Variants in LOXL2 observed in about 807,000 individuals in gnomAD.
The protein encoded by LOXL2 is lysyl oxidase like 2.
A neutral mutation model predicts 93.0 loss-of-function variants in LOXL2; 70 were observed. The ratio of observed to expected loss-of-function variants is 0.75; its 90% CI spans 0.62 to 0.92. The LOEUF is 0.92. Ranked by LOEUF, LOXL2 falls within the 40% of genes least tolerant of loss-of-function variation. The pLI is 0.00. For missense variants in LOXL2, 973 were observed against 1,054.9 expected, an observed-to-expected ratio of 0.92 and a Z score of 1.08; for synonymous variants, 438 against 413.2, an observed-to-expected ratio of 1.06 and a Z score of -0.73.
intron 3 of LOXL2, among the ~76,000 whole-genome samples, chr8:23,348,834 G>A (rs577148039): frequency 2.2e-4 from 33 of 152,034 alleles, no homozygotes; most frequent in South Asian, 1.9e-3. Context: ...CTGAGATCAC[G>A]ACACTGCACC....
In LOXL2 at chr8:23,401,885, C is replaced by T. The variant is rs193040577; in HGVS notation, c.-84+2069G>A. On this transcript the variant is annotated intron_variant, in intron 1 of 13. Coordinates refer to ENST00000389131, the MANE Select transcript of LOXL2 (RefSeq NM_002318.3). ...GTCAGCCAATGTGTGGTGTTAAGTA[C>T]GTTTTGTTTTCAGACCTGAGTTTCA... Among the ~76,000 whole-genome samples, 263 of 152,344 alleles carry T rather than the reference C, an allele frequency of 1.7e-3. 3 individuals are homozygous for T. The highest frequency in any genetic ancestry group is 0.017 in the Admixed American group (253 of 15,306).
At chr8:23,320,744 CA>C (rs1192068240) in intron 7 of LOXL2, among the ~76,000 whole-genome samples, 3 of 151,976 alleles carry the variant, frequency 2.0e-5, no homozygotes, top group African/African-American at 7.3e-5. Flanking sequence ...CCCATCTCTA[CA>C]AAAAAATAAG....
chr8:23,328,306 C>A (rs1258023485), intron 6 of LOXL2, 76 bp downstream of exon 6: 9 of 1,504,806 alleles, frequency 6.0e-6, no homozygotes, highest in Non-Finnish European at 8.2e-6. Flanking sequence ...CGAGAGCTCA[C>A]GGCCAGCAGC....
At chr8:23,391,473 G>A (rs191653687) in intron 1 of LOXL2, among the ~76,000 whole-genome samples, 7 of 152,224 alleles carry the variant, frequency 4.6e-5, no homozygotes, top group African/African-American at 1.2e-4. Context: ...TCCAGGAGGC[G>A]TATCATCATT....
At chr8:23,306,972 G>T (rs1563185039) in intron 10 of LOXL2, among the ~76,000 whole-genome samples, 1 of 152,200 alleles carries the variant, frequency 6.6e-6, no homozygotes, top group Non-Finnish European at 1.5e-5. Flanking sequence ...TTTCCAAGGG[G>T]GCCAATCTTT....
chr8:23,310,714 CCTT>C (rs1402007777), intron 9 of LOXL2, among the ~76,000 whole-genome samples: 3 of 152,190 alleles, frequency 2.0e-5, no homozygotes, highest in East Asian at 1.9e-4. Flanking sequence ...TGCCAAATTG[CCTT>C]CTTAACAGGG....
At chr8:23,397,977 A>T (rs13261683) in intron 1 of LOXL2, among the ~76,000 whole-genome samples, 1 of 142,890 alleles carries the variant, frequency 7.0e-6, no homozygotes, top group African/African-American at 2.6e-5. Context: ...AAAAAAAAAA[A>T]AAAAAAAAGA....
intron 1 of LOXL2, among the ~76,000 whole-genome samples, chr8:23,397,007 T>C (rs1414722512): frequency 6.6e-6 from 1 of 152,146 alleles, no homozygotes; most frequent in East Asian, 1.9e-4. Context: ...ATCCATACAG[T>C]GGGATATTAT....
chr8:23,310,041 C>T, intron 9 of LOXL2, 130 bp from the exon 10 acceptor site: 2 of 988,430 alleles, frequency 2.0e-6, no homozygotes, highest in Non-Finnish European at 1.4e-6. Context: ...AAGGGCTCCT[C>T]AAGGTTACCT....
intron 1 of LOXL2, among the ~76,000 whole-genome samples, chr8:23,384,161 C>T (rs1804722653): frequency 6.6e-6 from 1 of 152,128 alleles, no homozygotes; most frequent in Non-Finnish European, 1.5e-5. Flanking sequence ...GATCTGGGAT[C>T]AGAAAATCTC....
chr8:23,320,926 A>G (rs1485757424), intron 7 of LOXL2, among the ~76,000 whole-genome samples: 10 of 152,056 alleles, frequency 6.6e-5, no homozygotes, highest in African/African-American at 1.4e-4. Flanking sequence ...CGAATAAAAA[A>G]CCAGGAGGAA....
In LOXL2 at chr8:23,297,884, C is replaced by T. The variant is rs1016132480; in HGVS notation, c.*159G>A. ...GCCCCCCATGAATGATGGGAGGGTC[C>T]CTTTCCTCCTGAGCTTAGACACAGC... is the stretch of plus-strand genomic sequence containing the variant. On this transcript the variant is annotated 3_prime_UTR_variant, in exon 14 of 14. Transcript: ENST00000389131. 1.7e-6 allele frequency: 1 copy of T among 595,824 alleles called. No individual in the cohort carries two copies. Among genetic ancestry groups the T allele is most frequent in the Non-Finnish European group, 3.0e-6 (1 of 335,442 alleles). 36.9% of individuals were successfully genotyped at this position (595,824 alleles called of 1,614,324 possible).
chr8:23,380,927 T>C (rs2117225854), intron 1 of LOXL2, among the ~76,000 whole-genome samples: 1 of 152,176 alleles, frequency 6.6e-6, no homozygotes, highest in African/African-American at 2.4e-5. Context: ...GCAAAATAAT[T>C]GCTTGAACCT....
chr8:23,385,076 G>T (rs1804738943), intron 1 of LOXL2, among the ~76,000 whole-genome samples: 1 of 151,908 alleles, frequency 6.6e-6, no homozygotes, highest in East Asian at 1.9e-4. Context: ...TTCAACTATG[G>T]ATATAAAGAC....
At chr8:23,374,170 A>G (rs1266784686) in intron 1 of LOXL2, among the ~76,000 whole-genome samples, 1 of 136,794 alleles carries the variant, frequency 7.3e-6, no homozygotes, top group Non-Finnish European at 1.5e-5. Context: ...TCATTGTTCA[A>G]TTCCCACCTA....
intron 8 of LOXL2, among the ~76,000 whole-genome samples, 159 bp downstream of exon 8, chr8:23,319,724 GCT>G (rs1554476917): frequency 6.6e-6 from 1 of 152,162 alleles, no homozygotes; most frequent in Non-Finnish European, 1.5e-5. Flanking sequence ...AAGGAGCAGC[GCT>G]GTGGCCAGAG....
At chr8:23,311,622 G>A (rs1803321224) in intron 9 of LOXL2, among the ~76,000 whole-genome samples, 1 of 152,162 alleles carries the variant, frequency 6.6e-6, no homozygotes, top group Non-Finnish European at 1.5e-5. Context: ...AGCTGCCATG[G>A]GTTGGGGACT....
rs755654898 is a variant in LOXL2 at position 23,302,016 on chromosome 8, A to T, written c.2133+11T>A. 5.0e-6 allele frequency: 8 copies of T among 1,613,598 alleles called. No homozygotes were observed. In the South Asian group the frequency reaches 8.8e-5, roughly 18 times the overall value. On this transcript the variant is annotated intron_variant, in intron 12 of 13. Coordinates refer to ENST00000389131, the MANE Select transcript of LOXL2 (RefSeq NM_002318.3). ...CCCTGCAGGGCTGGAACCCCTTCCC[A>T]CCCACCTCACCTGGAACAGGTAGTC...
intron 2 of LOXL2, among the ~76,000 whole-genome samples, chr8:23,367,491 C>T (rs1451909390): frequency 3.3e-5 from 5 of 152,184 alleles, no homozygotes; most frequent in African/African-American, 9.7e-5. Flanking sequence ...AGTGTGAAAA[C>T]GATGAACTCC....
Sources: allele counts gnomAD v4.1 joint callset (sites outside exome capture counted in the v4.1 genomes callset), GRCh38; gene constraint gnomAD v4.1.1; transcripts MANE v1.5; gene names NCBI Gene and HGNC (gene_info 2026-07-23, HGNC 2026-07-21).